The following PTN variants were observed in gnomAD, a reference collection of about 807,000 sequenced individuals.
The protein encoded by PTN is heparin affin regulatory protein.
A neutral mutation model predicts 24.1 loss-of-function variants in PTN; 18 were observed. The observed-to-expected ratio is 0.75, with a 90% CI of 0.52 to 1.11. The LOEUF is 1.11. PTN is among the 50% of genes least tolerant of loss of function. The probability of loss-of-function intolerance (pLI) is 0.00; values close to 1 mark genes in which losing one functional copy is unlikely to be tolerated. For missense variants in PTN, 163 were observed against 198.8 expected (o/e 0.82, Z 1.08); for synonymous variants, 78 against 68.6 (o/e 1.14, Z -0.67).
Position 137,339,568 on chromosome 7 carries a change from C to CAAA in PTN, c.-2+3868_-2+3870dup, listed in dbSNP as rs58934357. 4.5e-3 allele frequency among the ~76,000 whole-genome samples: 557 copies of CAAA among 123,756 alleles called. 10 individuals carry two copies. Among genetic ancestry groups the CAAA allele is most frequent in the East Asian group, 0.022 (93 of 4,272 alleles). The allele number at this position is 123,756 out of a possible 152,430, so 81.2% of individuals were successfully genotyped here. ...CTGACCCTTAGGCAGGGTCTTGAATCAAAAAAAAAAAAAAAAATGGGGGAA... is the reference window on the plus strand; with the variant it reads ...CTGACCCTTAGGCAGGGTCTTGAATCAAAAAAAAAAAAAAAAAAAATGGGGGAA... On this transcript the variant is annotated intron_variant, in intron 1 of 4. Coordinates refer to ENST00000348225, the MANE Select transcript of PTN (RefSeq NM_002825.7).
At chr7:137,270,706 T>C (rs1362764828) in intron 1 of PTN, among the ~76,000 whole-genome samples, 1 of 152,196 alleles carries the variant, frequency 6.6e-6, no homozygotes, top group African/African-American at 2.4e-5. Flanking sequence ...ACAATGCTTA[T>C]ATTTAGTGGG....
At chr7:137,321,876 G>A (rs540154314) in intron 1 of PTN, among the ~76,000 whole-genome samples, 7 of 152,140 alleles carry the variant, frequency 4.6e-5, no homozygotes, top group Non-Finnish European at 8.8e-5. Context: ...AAAATAGCCC[G>A]TATGTGACTA....
chr7:137,258,900 A>AT (rs535744155), intron 1 of PTN, among the ~76,000 whole-genome samples: 5 of 151,960 alleles, frequency 3.3e-5, no homozygotes, highest in Admixed American at 6.6e-5. Flanking sequence ...ATCGTGGCAT[A>AT]TTTTTTTTAA....
chr7:137,261,786 A>G (rs982171570), intron 1 of PTN, among the ~76,000 whole-genome samples: 5 of 152,214 alleles, frequency 3.3e-5, no homozygotes, highest in Non-Finnish European at 5.9e-5. Context: ...TGCTAACAAC[A>G]GGCTGAATGA....
intron 4 of PTN, among the ~76,000 whole-genome samples, chr7:137,242,124 T>C (rs538546532): frequency 6.6e-5 from 10 of 152,326 alleles, no homozygotes; most frequent in African/African-American, 2.4e-4. Flanking sequence ...GAATTGAGAA[T>C]GCTGGGAATA....
In PTN at chr7:137,331,457, G is replaced by A. The variant is rs529333821; in HGVS notation, c.-2+11982C>T. Reference sequence around the variant, plus strand: ...CCCAATACTGGCACAGATACTAAACGCATTTGACTTTCACTCCTCCTCTGC... The same window carrying A: ...CCCAATACTGGCACAGATACTAAACACATTTGACTTTCACTCCTCCTCTGC... On this transcript the variant is annotated intron_variant, in intron 1 of 4. Transcript: ENST00000348225. Among the ~76,000 whole-genome samples, 405 of 152,236 alleles carry A rather than the reference G, an allele frequency of 2.7e-3. 3 individuals are homozygous for A. Among genetic ancestry groups the A allele is most frequent in the Admixed American group, 6.9e-3 (105 of 15,292 alleles).
At chr7:137,335,286 C>T (rs771819859) in intron 1 of PTN, among the ~76,000 whole-genome samples, 1 of 152,038 alleles carries the variant, frequency 6.6e-6, no homozygotes, top group Non-Finnish European at 1.5e-5. Context: ...CTTACACCCT[C>T]TCCGAGAAAG....
In PTN at chr7:137,322,192, T is replaced by C. The variant is rs546490321; in HGVS notation, c.-2+21247A>G. 3.3e-5 allele frequency among the ~76,000 whole-genome samples: 5 copies of C among 152,280 alleles called. No individual in the cohort carries two copies. The South Asian group carries it at 1.0e-3, about 32-fold the overall frequency. ...TCCTTAATTGAGAATGAAAGCTCAA[T>C]GAAAGCAGGTACCTAATAGGTGTTT... On this transcript the variant is annotated intron_variant, in intron 1 of 4. Coordinates refer to ENST00000348225, the MANE Select transcript of PTN (RefSeq NM_002825.7).
At chr7:137,332,872 G>C (rs940360801) in intron 1 of PTN, among the ~76,000 whole-genome samples, 1 of 152,130 alleles carries the variant, frequency 6.6e-6, no homozygotes, top group African/African-American at 2.4e-5. Flanking sequence ...ATGACCCCAC[G>C]GCTAGGTCTT....
At chr7:137,313,003 T>A (rs322338) in intron 1 of PTN, among the ~76,000 whole-genome samples, 132,073 of 152,042 alleles carry the variant, frequency 0.87, 57,605 homozygotes, top group Admixed American at 0.92. Flanking sequence ...TATATGTGGT[T>A]TTGTTACAAA....
At chr7:137,322,895 T>C (rs916318544) in intron 1 of PTN, among the ~76,000 whole-genome samples, 1 of 152,198 alleles carries the variant, frequency 6.6e-6, no homozygotes, top group Non-Finnish European at 1.5e-5. Context: ...GACACCTTCA[T>C]CCTCTTAGTC....
chr7:137,244,081 T>C (rs1808680772), intron 4 of PTN, among the ~76,000 whole-genome samples: 1 of 152,112 alleles, frequency 6.6e-6, no homozygotes, highest in Non-Finnish European at 1.5e-5. Context: ...CTAATTTAAT[T>C]AATCTATATT....
At chr7:137,233,364 C>T (rs1808462637) in intron 4 of PTN, among the ~76,000 whole-genome samples, 1 of 151,898 alleles carries the variant, frequency 6.6e-6, no homozygotes, top group Non-Finnish European at 1.5e-5. Flanking sequence ...CTATATCCTC[C>T]TCAGAGGGCC....
intron 4 of PTN, among the ~76,000 whole-genome samples, chr7:137,249,851 C>T (rs1443479727): frequency 2.0e-5 from 3 of 152,126 alleles, no homozygotes; most frequent in Admixed American, 2.0e-4. Flanking sequence ...AGACTCACCA[C>T]CTGCAGGTCC....
chr7:137,300,677 C>A (rs1245155647), intron 1 of PTN, among the ~76,000 whole-genome samples: 2 of 151,868 alleles, frequency 1.3e-5, no homozygotes, highest in Non-Finnish European at 1.5e-5. Flanking sequence ...CACAGCGGAT[C>A]TCCCAAACAA....
intron 4 of PTN, among the ~76,000 whole-genome samples, chr7:137,232,679 C>T (rs140431116): frequency 4.1e-4 from 63 of 152,038 alleles, no homozygotes; most frequent in African/African-American, 1.4e-3. Context: ...AGAAAGAAGA[C>T]AGGCAGTGAT....
chr7:137,275,119 G>A (rs1247206145), intron 1 of PTN, among the ~76,000 whole-genome samples: 2 of 152,212 alleles, frequency 1.3e-5, no homozygotes, highest in Admixed American at 6.5e-5. Context: ...GAGGAAGAGA[G>A]GGGAGGTGAA....
At chr7:137,259,551 T>G (rs1452890094) in intron 1 of PTN, among the ~76,000 whole-genome samples, 2 of 151,962 alleles carry the variant, frequency 1.3e-5, no homozygotes, top group African/African-American at 4.8e-5. Flanking sequence ...TAATACAGTA[T>G]TAGTTGCTGA....
At chr7:137,256,035 T>C (rs1808916698) in intron 1 of PTN, among the ~76,000 whole-genome samples, 1 of 152,328 alleles carries the variant, frequency 6.6e-6, no homozygotes, top group Admixed American at 6.5e-5. Context: ...GTGTGAACAA[T>C]AAAACGTTTC....
Sources: gnomAD v4.1 joint callset for allele counts (sites outside exome capture counted in the v4.1 genomes callset) on GRCh38, gnomAD v4.1.1 for gene constraint, MANE v1.5 for transcripts, NCBI Gene and HGNC (gene_info 2026-07-23, HGNC 2026-07-21) for gene names.